The following RAPGEF5 variants were observed in gnomAD, a reference collection of about 807,000 sequenced individuals.
RAPGEF5 encodes M-Ras-regulated GEF.
Under a neutral mutation model 125.2 loss-of-function variants are expected in RAPGEF5, and 65 were observed. The ratio of observed to expected loss-of-function variants is 0.52; its 90% CI spans 0.43 to 0.64. The LOEUF (loss-of-function observed/expected upper bound fraction) is 0.64. Among genes scored for constraint, RAPGEF5 ranks in the 30% least tolerant of loss-of-function variants. The pLI, the probability that RAPGEF5 is intolerant of heterozygous loss-of-function variation, is 0.00. For missense variants in RAPGEF5, 958 were observed against 1,048.1 expected (o/e 0.91, Z 1.19); for synonymous variants, 391 against 385.9 (o/e 1.01, Z -0.16).
At chr7:22,323,309 T>G (rs1783752841) in intron 1 of RAPGEF5, among the ~76,000 whole-genome samples, 1 of 152,174 alleles carries the variant, frequency 6.6e-6, no homozygotes, top group Non-Finnish European at 1.5e-5. Context: ...AAAATGAAAG[T>G]GGGTTCAAGG....
At chr7:22,178,040 A>G (rs750473400) in intron 11 of RAPGEF5, among the ~76,000 whole-genome samples, 14 of 151,856 alleles carry the variant, frequency 9.2e-5, no homozygotes, top group Non-Finnish European at 1.8e-4. Flanking sequence ...TTTGTTTTTT[A>G]TTTTCTAGTG....
chr7:22,243,713 C>T (rs1786400025), intron 7 of RAPGEF5, among the ~76,000 whole-genome samples: 1 of 152,182 alleles, frequency 6.6e-6, no homozygotes, highest in Admixed American at 6.5e-5. Flanking sequence ...ACTATGTATA[C>T]ATTGTCAAGT....
chr7:22,284,632 A>G (rs1033916077), intron 6 of RAPGEF5, among the ~76,000 whole-genome samples: 1 of 152,180 alleles, frequency 6.6e-6, no homozygotes, highest in Non-Finnish European at 1.5e-5. Context: ...AATAAGAAAT[A>G]AAAGGTAACA....
At chr7:22,171,906 T>C (rs1395377689) in intron 11 of RAPGEF5, among the ~76,000 whole-genome samples, 2 of 152,230 alleles carry the variant, frequency 1.3e-5, no homozygotes, top group Non-Finnish European at 2.9e-5. Context: ...AATAAAATAA[T>C]ACTTTCGTAG....
intron 1 of RAPGEF5, among the ~76,000 whole-genome samples, chr7:22,340,739 G>C (rs536826595): frequency 6.6e-6 from 1 of 152,064 alleles, no homozygotes; most frequent in Non-Finnish European, 1.5e-5. Context: ...CCTCTGGTCC[G>C]TTCCCCCTAA....
intron 5 of RAPGEF5, among the ~76,000 whole-genome samples, chr7:22,293,665 G>A (rs1297744947): frequency 6.6e-6 from 1 of 152,008 alleles, no homozygotes; most frequent in Non-Finnish European, 1.5e-5. Context: ...ATTCGGAAAT[G>A]CTCTTCCTTC....
At chr7:22,268,417 G>C (rs1344072800) in intron 6 of RAPGEF5, among the ~76,000 whole-genome samples, 1 of 152,156 alleles carries the variant, frequency 6.6e-6, no homozygotes, top group African/African-American at 2.4e-5. Context: ...GTAAGTACTG[G>C]TATGCATACT....
At chr7:22,155,814 G>A (rs965231737) in intron 16 of RAPGEF5, among the ~76,000 whole-genome samples, 1 of 152,336 alleles carries the variant, frequency 6.6e-6, no homozygotes, top group East Asian at 1.9e-4. Context: ...ACCACTATAT[G>A]CAGGGTAAGT....
intron 11 of RAPGEF5, among the ~76,000 whole-genome samples, chr7:22,179,766 C>T (rs979772754): frequency 6.6e-6 from 1 of 152,150 alleles, no homozygotes; most frequent in East Asian, 1.9e-4. Context: ...ATGATACAAT[C>T]GCATGCTAAA....
intron 8 of RAPGEF5, among the ~76,000 whole-genome samples, chr7:22,225,944 T>G (rs1476688): frequency 0.87 from 132,012 of 152,188 alleles, 57,747 homozygotes; most frequent in East Asian, 1. Context: ...TTTATAAATG[T>G]AGTCATAAAA....
At chr7:22,259,362 C>T (rs1190929089) in intron 7 of RAPGEF5, among the ~76,000 whole-genome samples, 2 of 152,178 alleles carry the variant, frequency 1.3e-5, no homozygotes, top group African/African-American at 4.8e-5. Context: ...ACATCAAATG[C>T]TGGTGAGGAT....
chr7:22,208,811 C>T (rs1031039660), intron 9 of RAPGEF5, among the ~76,000 whole-genome samples: 4 of 152,202 alleles, frequency 2.6e-5, no homozygotes, highest in Non-Finnish European at 4.4e-5. Context: ...TCTTTTGCTA[C>T]GTTCTTCTCC....
At chr7:22,220,476 A>C (rs1421507955) in intron 8 of RAPGEF5, among the ~76,000 whole-genome samples, 1 of 152,216 alleles carries the variant, frequency 6.6e-6, no homozygotes, top group Non-Finnish European at 1.5e-5. Flanking sequence ...CCTTAACAAG[A>C]AGATCACAAG....
chr7:22,151,124 T>C (rs2128107391), intron 17 of RAPGEF5, among the ~76,000 whole-genome samples: 1 of 152,308 alleles, frequency 6.6e-6, no homozygotes, highest in East Asian at 1.9e-4. Flanking sequence ...ATTTTTTTGG[T>C]CATATAAATT....
chr7:22,136,823 C>G (rs1360349429), intron 22 of RAPGEF5, 110 bp downstream of exon 22: 3 of 953,344 alleles, frequency 3.1e-6, no homozygotes, highest in Non-Finnish European at 4.7e-6. Flanking sequence ...GTAAACTAGT[C>G]TAGGCTACCT....
rs1013230956 is a variant in RAPGEF5 at position 22,170,210 on chromosome 7, A to C, written c.1205-3062T>G. Among the ~76,000 whole-genome samples, 57 of 152,090 alleles carry C rather than the reference A, an allele frequency of 3.7e-4. 1 individual carries two copies. Among genetic ancestry groups the C allele is most frequent in the Middle Eastern group, 3.2e-3 (1 of 316 alleles). On this transcript the variant is annotated intron_variant, in intron 11 of 25. Coordinates refer to ENST00000665637, the MANE Select transcript of RAPGEF5 (RefSeq NM_012294.5). ...GCTGGGACTACTGGCATGCACCACC[A>C]TGTCCAGCTAATTTTTGTAGTTTGA...
intron 17 of RAPGEF5, among the ~76,000 whole-genome samples, chr7:22,153,020 C>A (rs1299328893): frequency 6.6e-6 from 1 of 152,112 alleles, no homozygotes; most frequent in Non-Finnish European, 1.5e-5. Context: ...ATTTCACAGC[C>A]ACCAAATAGA....
At chr7:22,314,474 T>A (rs895667519) in intron 3 of RAPGEF5, 1 of 481,720 alleles carries the variant, frequency 2.1e-6, no homozygotes, top group Non-Finnish European at 2.7e-6. Context: ...ATTTTTTCCA[T>A]CTCCAGCAAA....
Position 22,316,399 on chromosome 7 carries a change from C to CTATA in RAPGEF5, c.283-927_283-924dup, listed in dbSNP as rs200119874. Among the ~76,000 whole-genome samples the CTATA allele has an allele frequency of 2.2e-3, 297 of 135,124 alleles. 2 individuals carry two copies. Among genetic ancestry groups the CTATA allele is most frequent in the East Asian group, 0.022 (98 of 4,542 alleles). 88.6% of individuals were successfully genotyped at this position (135,124 alleles called of 152,430 possible). A position where few individuals can be genotyped will look rare whatever the true frequency, so the allele number is the denominator to read the frequency against. On this transcript the variant is annotated intron_variant, in intron 2 of 25. Transcript: ENST00000665637. Reference sequence around the variant, plus strand: ...GATAGATAGATTAAATGTGTATCTACTATATATATATATACATACACACAC... The same window carrying CTATA: ...GATAGATAGATTAAATGTGTATCTACTATATATATATATATATACATACACACAC...
Sources: allele counts gnomAD v4.1 joint callset (sites outside exome capture counted in the v4.1 genomes callset), GRCh38; gene constraint gnomAD v4.1.1; transcripts MANE v1.5; gene names NCBI Gene and HGNC (gene_info 2026-07-23, HGNC 2026-07-21).